Variants in RBFOX1 observed in about 807,000 individuals in gnomAD.
The protein encoded by RBFOX1 is RNA binding fox-1 homolog 1, also known as RNA binding protein fox-1 homolog 1.
In RBFOX1, 8 loss-of-function variants were observed where a neutral mutation model predicts 57.7. The ratio of observed to expected loss-of-function variants is 0.14; its 90% CI spans 0.08 to 0.25. RBFOX1 has a LOEUF of 0.25. RBFOX1 is among the 10% of genes least tolerant of loss of function. RBFOX1 has a pLI of 1.00. For missense variants in RBFOX1, 611 were observed against 548.5 expected (o/e 1.11, Z -1.14); for synonymous variants, 326 against 222.4 (o/e 1.47, Z -4.15).
intron 4 of RBFOX1, among the ~76,000 whole-genome samples, chr16:7,379,753 C>G (rs2097755166): frequency 1.3e-5 from 2 of 151,056 alleles, no homozygotes; most frequent in African/African-American, 4.9e-5. Flanking sequence ...TGCTTGCCTG[C>G]CTGCCTGCCT....
At chr16:5,856,233 A>ATG (rs2151876156) in intron 3 of RBFOX1, among the ~76,000 whole-genome samples, 2 of 56,928 alleles carry the variant, frequency 3.5e-5, no homozygotes, top group Non-Finnish European at 3.6e-5. Flanking sequence ...ATATATGTAT[A>ATG]TATATGTGTA....
chr16:5,240,635 A>G (rs2062142299), intron 1 of RBFOX1, among the ~76,000 whole-genome samples: 1 of 152,094 alleles, frequency 6.6e-6, no homozygotes, highest in Admixed American at 6.5e-5. Context: ...GAGAGTTGAG[A>G]GGAGGCAGAT....
intron 4 of RBFOX1, among the ~76,000 whole-genome samples, chr16:7,345,676 A>T (rs1324358740): frequency 6.6e-6 from 1 of 152,128 alleles, no homozygotes. Flanking sequence ...GCTGCCGGTG[A>T]TGGAGCCGTC....
At chr16:5,564,205 A>G (rs56251113) in intron 2 of RBFOX1, among the ~76,000 whole-genome samples, 34,090 of 151,328 alleles carry the variant, frequency 0.23, 4,081 homozygotes, top group South Asian at 0.36. Flanking sequence ...TTTAGTAGGG[A>G]CAGGGTTTCA....
intron 14 of RBFOX1, among the ~76,000 whole-genome samples, chr16:7,683,776 C>A (rs946271388): frequency 2.0e-5 from 3 of 152,004 alleles, no homozygotes; most frequent in Admixed American, 6.6e-5. Flanking sequence ...AAGCCTAATG[C>A]TTTCTAGGTG....
chr16:6,993,862 T>C (rs1249643809), intron 3 of RBFOX1, among the ~76,000 whole-genome samples: 1 of 152,162 alleles, frequency 6.6e-6, no homozygotes, highest in Non-Finnish European at 1.5e-5. Context: ...CAATACCACC[T>C]CTTCCCCGAA....
intron 2 of RBFOX1, among the ~76,000 whole-genome samples, chr16:6,555,216 C>T (rs1293249211): frequency 6.6e-6 from 1 of 152,134 alleles, no homozygotes; most frequent in Non-Finnish European, 1.5e-5. Context: ...TCCCTGCATT[C>T]CATATCAGGT....
chr16:7,382,847 T>C (rs2097802199), intron 4 of RBFOX1, among the ~76,000 whole-genome samples: 1 of 152,232 alleles, frequency 6.6e-6, no homozygotes, highest in South Asian at 2.1e-4. Context: ...GCTCCCTACT[T>C]ATAATCGTGT....
intron 2 of RBFOX1, among the ~76,000 whole-genome samples, chr16:6,427,840 G>A (rs1481243383): frequency 6.6e-6 from 1 of 152,168 alleles, no homozygotes; most frequent in Non-Finnish European, 1.5e-5. Context: ...CTGAGTTCAT[G>A]CTCTTGGTTC....
chr16:7,710,857 AAT>A lies in RBFOX1; in HGVS notation c.*114_*115del. 1 of 1,049,268 alleles carries A rather than the reference AAT, an allele frequency of 9.5e-7. No homozygotes were observed. Among genetic ancestry groups the A allele is most frequent in the Non-Finnish European group, 1.3e-6 (1 of 798,860 alleles). The allele number at this position is 1,049,268 out of a possible 1,614,324, so 65.0% of individuals were successfully genotyped here. A position where few individuals can be genotyped will look rare whatever the true frequency, so the allele number is the denominator to read the frequency against. On this transcript the variant is annotated 3_prime_UTR_variant, in exon 16 of 16. Transcript: ENST00000550418. ...TTTTAGCAACTCTAAAAAAAAAAAAAATACAAATAAAAAGGAAAAAAAATTAC... is the reference window on the plus strand; with the variant it reads ...TTTTAGCAACTCTAAAAAAAAAAAAAACAAATAAAAAGGAAAAAAAATTAC...
At chr16:6,641,163 C>T (rs1292634746) in intron 2 of RBFOX1, among the ~76,000 whole-genome samples, 17 of 152,140 alleles carry the variant, frequency 1.1e-4, no homozygotes, top group Admixed American at 1.1e-3. Context: ...TAAATAATTA[C>T]CCCGTAATCT....
intron 3 of RBFOX1, among the ~76,000 whole-genome samples, chr16:6,655,693 C>A (rs1001009272): frequency 2.6e-5 from 4 of 152,140 alleles, no homozygotes; most frequent in Non-Finnish European, 4.4e-5. Flanking sequence ...TGCCTTGGAT[C>A]CAAAGAGGTC....
intron 1 of RBFOX1, among the ~76,000 whole-genome samples, chr16:5,421,138 C>T (rs1429777544): frequency 6.6e-6 from 1 of 151,712 alleles, no homozygotes; most frequent in African/African-American, 2.4e-5. Flanking sequence ...TCGAGAGTAG[C>T]TGGGACAACA....
At chr16:6,923,880 A>C (rs971632075) in intron 3 of RBFOX1, among the ~76,000 whole-genome samples, 1 of 152,072 alleles carries the variant, frequency 6.6e-6, no homozygotes, top group African/African-American at 2.4e-5. Flanking sequence ...CTATAAAGAA[A>C]TACCTGAAGG....
chr16:5,665,479 T>C (rs952031298), intron 3 of RBFOX1, among the ~76,000 whole-genome samples: 6 of 152,146 alleles, frequency 3.9e-5, no homozygotes, highest in Non-Finnish European at 7.3e-5. Context: ...CATACCACCT[T>C]GTTTTTTGCA....
chr16:7,523,535 T>G (rs1412692390), intron 5 of RBFOX1, among the ~76,000 whole-genome samples: 1 of 152,180 alleles, frequency 6.6e-6, no homozygotes, highest in Non-Finnish European at 1.5e-5. Flanking sequence ...ATTTGGAGAA[T>G]GTAAATGTAT....
At chr16:5,820,023 A>G (rs1194190313) in intron 3 of RBFOX1, among the ~76,000 whole-genome samples, 1 of 152,138 alleles carries the variant, frequency 6.6e-6, no homozygotes, top group African/African-American at 2.4e-5. Context: ...GGGAGGGGTG[A>G]TGTCTTTGTC....
intron 5 of RBFOX1, among the ~76,000 whole-genome samples, chr16:7,547,189 A>T (rs1268654096): frequency 6.6e-6 from 1 of 152,196 alleles, no homozygotes; most frequent in Non-Finnish European, 1.5e-5. Flanking sequence ...CTTTCTTATA[A>T]GGCCATAAAT....
chr16:6,880,515 C>T (rs1211108552), intron 3 of RBFOX1, among the ~76,000 whole-genome samples: 2 of 152,152 alleles, frequency 1.3e-5, no homozygotes, highest in African/African-American at 4.8e-5. Flanking sequence ...AGAGAGATTT[C>T]CTGGAACCTT....
Sources: allele counts gnomAD v4.1 joint callset (sites outside exome capture counted in the v4.1 genomes callset), GRCh38; gene constraint gnomAD v4.1.1; transcripts MANE v1.5; gene names NCBI Gene and HGNC (gene_info 2026-07-23, HGNC 2026-07-21).